SLC41A2: variants seen among roughly 807,000 people sequenced by gnomAD.
The protein encoded by SLC41A2 is solute carrier family 41 member 2.
A neutral mutation model predicts 58.3 loss-of-function variants in SLC41A2; 32 were observed. That is an observed-to-expected ratio of 0.55 (90% confidence interval 0.41 to 0.74). The LOEUF is 0.74. Among genes scored for constraint, SLC41A2 ranks in the 30% least tolerant of loss-of-function variants. The pLI is 0.00. For missense variants in SLC41A2, 514 were observed against 680.6 expected, an observed-to-expected ratio of 0.76 and a Z score of 2.72; for synonymous variants, 190 against 235.0, an observed-to-expected ratio of 0.81 and a Z score of 1.75.
intron 2 of SLC41A2, among the ~76,000 whole-genome samples, chr12:104,923,358 T>A: frequency 8.1e-6 from 1 of 123,026 alleles, no homozygotes; most frequent in Admixed American, 8.5e-5. Flanking sequence ...TGAGACTCCA[T>A]CTCAAAAAAA....
intron 6 of SLC41A2, among the ~76,000 whole-genome samples, chr12:104,869,537 A>C (rs1051805791): frequency 6.6e-6 from 1 of 152,160 alleles, no homozygotes; most frequent in Non-Finnish European, 1.5e-5. Context: ...TTATCTTCAA[A>C]TAAAAGTTTG....
intron 8 of SLC41A2, among the ~76,000 whole-genome samples, chr12:104,860,489 T>C (rs1282747287): frequency 6.6e-6 from 1 of 152,148 alleles, no homozygotes; most frequent in Admixed American, 6.5e-5. Flanking sequence ...CATATATAAA[T>C]GTCTGTGAAT....
chr12:104,865,152 C>A (rs1565853088), intron 7 of SLC41A2, among the ~76,000 whole-genome samples: 1 of 152,140 alleles, frequency 6.6e-6, no homozygotes. Flanking sequence ...TAAGTTCCCC[C>A]ACAAATGAAT....
intron 9 of SLC41A2, among the ~76,000 whole-genome samples, chr12:104,845,530 T>C (rs1015542035): frequency 1.3e-5 from 2 of 152,156 alleles, no homozygotes; most frequent in African/African-American, 2.4e-5. Context: ...AATAATAATA[T>C]AGATAAGATA....
At chr12:104,827,787 C>T (rs1425282540) in intron 10 of SLC41A2, among the ~76,000 whole-genome samples, 2 of 152,092 alleles carry the variant, frequency 1.3e-5, no homozygotes, top group African/African-American at 2.4e-5. Context: ...TGCCCCCTGT[C>T]GTCAGGAAAC....
intron 8 of SLC41A2, among the ~76,000 whole-genome samples, chr12:104,857,389 G>T (rs1373614561): frequency 1.3e-5 from 2 of 152,162 alleles, no homozygotes; most frequent in Non-Finnish European, 2.9e-5. Context: ...ATAGGAACAT[G>T]TTTACACTGC....
chr12:104,850,718 G>A (rs917053990), intron 8 of SLC41A2, among the ~76,000 whole-genome samples: 1 of 152,146 alleles, frequency 6.6e-6, no homozygotes, highest in African/African-American at 2.4e-5. Flanking sequence ...ACTAAATGTA[G>A]CTTCATGATT....
At position 104,928,449 on chromosome 12, in the gene SLC41A2, T is replaced by A; in HGVS notation, c.79A>T (p.Thr27Ser). The A allele has an allele frequency of 1.9e-6, 3 of 1,550,954 alleles. No homozygotes were observed. The South Asian group carries it at 3.6e-5, about 18-fold the overall frequency. ...GATTGAATTGTGTTTAAACGTAAAG[T>A]CCAATCTACAAAACCTCCTCCACTA... ...PSSGGGFVDW[T>S]LRLNTIQSDK... is the part of the protein sequence containing the mutation. Residue 27 changes from threonine (T) to serine (S), a missense_variant, in exon 2 of 11, where the codon ACT becomes TCT. Physicochemically the swap from Thr to Ser is moderately conservative, Grantham distance 58. Transcript: ENST00000258538.
chr12:104,870,427 CA>C (rs940770899), intron 6 of SLC41A2, among the ~76,000 whole-genome samples: 1 of 152,000 alleles, frequency 6.6e-6, no homozygotes, highest in Non-Finnish European at 1.5e-5. Context: ...ACAAAACAAA[CA>C]AAAAAACCCA....
chr12:104,816,717 T>C (rs2041420665), intron 10 of SLC41A2, among the ~76,000 whole-genome samples: 1 of 151,890 alleles, frequency 6.6e-6, no homozygotes, highest in African/African-American at 2.4e-5. Context: ...GGGAAAAAAG[T>C]CTCCCCTAAA....
intron 2 of SLC41A2, among the ~76,000 whole-genome samples, chr12:104,915,385 T>G (rs1283082425): frequency 6.6e-6 from 1 of 152,252 alleles, no homozygotes; most frequent in Non-Finnish European, 1.5e-5. Flanking sequence ...CGATATTGAT[T>G]CTTCCTACCC....
At chr12:104,870,334 G>T (rs1195089814) in intron 6 of SLC41A2, among the ~76,000 whole-genome samples, 2 of 152,096 alleles carry the variant, frequency 1.3e-5, no homozygotes, top group Non-Finnish European at 2.9e-5. Context: ...ATCCAATCCT[G>T]ATGACACCTT....
chr12:104,806,585 T>C (rs1180282396), intron 10 of SLC41A2, among the ~76,000 whole-genome samples: 1 of 152,040 alleles, frequency 6.6e-6, no homozygotes, highest in Non-Finnish European at 1.5e-5. Context: ...TACCCAGTAA[T>C]GGGATGGCTG....
intron 10 of SLC41A2, among the ~76,000 whole-genome samples, chr12:104,837,665 G>T (rs569644362): frequency 6.6e-6 from 1 of 152,106 alleles, no homozygotes; most frequent in African/African-American, 2.4e-5. Context: ...GGGGCCAAAA[G>T]GAAGGTGAGT....
At chr12:104,947,195 C>T (rs4964306) in intron 1 of SLC41A2, among the ~76,000 whole-genome samples, 110,650 of 113,496 alleles carry the variant, frequency 0.97, 53,929 homozygotes, top group South Asian at 0.99. Context: ...TATTTTTGTC[C>T]TTTTTTTTTT....
intron 3 of SLC41A2, among the ~76,000 whole-genome samples, chr12:104,900,814 C>T (rs1348875029): frequency 6.6e-6 from 1 of 152,100 alleles, no homozygotes; most frequent in Non-Finnish European, 1.5e-5. Flanking sequence ...ATATAATTAT[C>T]TAGGTTTTAA....
At chr12:104,853,911 A>ATTATTATTATTATTATTTTTTTTTTTT in intron 8 of SLC41A2, among the ~76,000 whole-genome samples, 48 of 59,488 alleles carry the variant, frequency 8.1e-4, no homozygotes, top group Non-Finnish European at 1.1e-3. Context: ...TGCCTGGCTG[A>ATTATTATTATTATTATTTTTTTTTTTT]TTTTTTTTTT....
At chr12:104,826,146 C>T (rs2136259340) in intron 10 of SLC41A2, among the ~76,000 whole-genome samples, 1 of 152,298 alleles carries the variant, frequency 6.6e-6, no homozygotes, top group South Asian at 2.1e-4. Context: ...CTCTTCACCA[C>T]CGCCAGCTTA....
intron 2 of SLC41A2, among the ~76,000 whole-genome samples, chr12:104,911,820 TGG>T (rs5800641): frequency 5.3e-5 from 8 of 151,650 alleles, no homozygotes; most frequent in African/African-American, 1.9e-4. Context: ...AAGCACTGGG[TGG>T]GGGGGGTTCA....
Sources: gnomAD v4.1 joint callset for allele counts (sites outside exome capture counted in the v4.1 genomes callset) on GRCh38, gnomAD v4.1.1 for gene constraint, MANE v1.5 for transcripts, NCBI Gene and HGNC (gene_info 2026-07-23, HGNC 2026-07-21) for gene names.